Variants in EPB41L3 observed in about 807,000 individuals in gnomAD.
EPB41L3 encodes the protein band 4.1-like protein 3.
In EPB41L3, 57 loss-of-function variants were observed where a neutral mutation model predicts 127.1. The ratio of observed to expected loss-of-function variants is 0.45; its 90% CI spans 0.36 to 0.56. The LOEUF (loss-of-function observed/expected upper bound fraction) is 0.56, where lower values mean the gene tolerates loss of function less well. Among genes scored for constraint, EPB41L3 ranks in the 20% least tolerant of loss-of-function variants. EPB41L3 has a pLI of 0.00. For missense variants in EPB41L3, 1,273 were observed against 1,372.2 expected, an observed-to-expected ratio of 0.93 and a Z score of 1.14; for synonymous variants, 572 against 549.5, an observed-to-expected ratio of 1.04 and a Z score of -0.57.
At chr18:5,433,381 C>T in intron 8 of EPB41L3, 88 bp downstream of exon 8, 3 of 901,128 alleles carry the variant, frequency 3.3e-6, no homozygotes, top group Non-Finnish European at 5.2e-6. Context: ...TTTACATTAA[C>T]TGAAGTAAAA....
chr18:5,523,569 C>T (rs1165443014), intron 1 of EPB41L3, among the ~76,000 whole-genome samples: 1 of 152,112 alleles, frequency 6.6e-6, no homozygotes, highest in African/African-American at 2.4e-5. Flanking sequence ...GAAACCAAAG[C>T]GGGCGGATCA....
chr18:5,543,279 C>G lies in EPB41L3; in HGVS notation c.-12+634G>C, dbSNP rs137969349. On this transcript the variant is annotated intron_variant, in intron 1 of 22. Coordinates refer to ENST00000341928, the MANE Select transcript of EPB41L3 (RefSeq NM_012307.5). The surrounding 1 kb of genome is among the most constrained non-coding windows in gnomAD (Gnocchi z 5.2). ...AAGTTATATAAAAGCGGCCGGCCCC[C>G]CTGCCCAGCGGGGATGCTTTGTGCG... is the stretch of plus-strand genomic sequence containing the variant. 3 of 150,712 alleles carry G rather than the reference C, an allele frequency of 2.0e-5. No homozygotes were observed. The highest frequency in any genetic ancestry group is 3.0e-5 in the Non-Finnish European group (2 of 67,564). 9.3% of individuals were successfully genotyped at this position (150,712 alleles called of 1,614,324 possible).
chr18:5,498,608 A>AAAAAG lies in EPB41L3; in HGVS notation c.-11-9415_-11-9414insCTTTT, dbSNP rs1448249391. On this transcript the variant is annotated intron_variant, in intron 1 of 22. Coordinates refer to ENST00000341928, the MANE Select transcript of EPB41L3 (RefSeq NM_012307.5). ...AGACTCCATCTCAAAAAAAAAAAAA[A>AAAAAG]AAAGAAAATGGACTTCAGAACTGAT... Among the ~76,000 whole-genome samples the AAAAAG allele has an allele frequency of 1.6e-4, 23 of 144,694 alleles. 3 individuals carry two copies. The highest frequency in any genetic ancestry group is 2.9e-4 in the Admixed American group (4 of 14,018). 94.9% of individuals were successfully genotyped at this position (144,694 alleles called of 152,430 possible). A position where few individuals can be genotyped will look rare whatever the true frequency, so the allele number is the denominator to read the frequency against.
At chr18:5,458,836 G>T (rs2083503108) in intron 3 of EPB41L3, among the ~76,000 whole-genome samples, 1 of 152,070 alleles carries the variant, frequency 6.6e-6, no homozygotes, top group South Asian at 2.1e-4. Context: ...TTTGCTTTGA[G>T]GTTATCTTGA....
At position 5,529,928 on chromosome 18, in the gene EPB41L3, A is replaced by G. The variant is rs200967025; in HGVS notation, c.-12+13985T>C. On this transcript the variant is annotated intron_variant, in intron 1 of 22. Transcript: ENST00000341928. ...CACCAACCCCACCATCAACTCATAT[A>G]TGTGTGTGTGTGTGTGTGTGTGTGT... 2.9e-3 allele frequency among the ~76,000 whole-genome samples: 423 copies of G among 146,878 alleles called. 1 individual carries two copies. The highest frequency in any genetic ancestry group is 0.014 in the Middle Eastern group (4 of 286).
At chr18:5,609,656 G>A (rs192517564) in intron 3 of EPB41L3, among the ~76,000 whole-genome samples, 180 of 152,158 alleles carry the variant, frequency 1.2e-3, no homozygotes, top group Admixed American at 3.4e-3. Flanking sequence ...CATCAACAAC[G>A]TACAATTTCC....
intron 1 of EPB41L3, among the ~76,000 whole-genome samples, chr18:5,627,210 T>C (rs2094931902): frequency 6.6e-6 from 1 of 152,140 alleles, no homozygotes. Flanking sequence ...CTTTCTCATG[T>C]ATCTACACAA....
chr18:5,562,176 G>C (rs747478832), intron 3 of EPB41L3, among the ~76,000 whole-genome samples: 12 of 152,162 alleles, frequency 7.9e-5, no homozygotes, highest in Non-Finnish European at 1.8e-4. Context: ...TGGTTTCATA[G>C]TTTTGGCCAT....
At position 5,395,582 on chromosome 18, in the gene EPB41L3, C is replaced by T. The variant is rs1016287264; in HGVS notation, c.3072+27G>A. The T allele has an allele frequency of 1.9e-6, 3 of 1,602,362 alleles. No individual in the cohort carries two copies. In the African/African-American group the frequency reaches 4.0e-5, roughly 21 times the overall value. On this transcript the variant is annotated intron_variant, in intron 20 of 22. Transcript: ENST00000341928. Reference sequence around the variant, plus strand: ...TTCCTCCAGCTCGCTCTCAAGGAATCCTCTTCTCGGTTCTCACTCCACTTA... The same window carrying T: ...TTCCTCCAGCTCGCTCTCAAGGAATTCTCTTCTCGGTTCTCACTCCACTTA...
rs375660316 is a variant in EPB41L3, at chr18:5,394,844, G to A, written c.3154-51C>T. The A allele has an allele frequency of 5.2e-6, 8 of 1,550,372 alleles. No individual in the cohort carries two copies. In the African/African-American group the frequency reaches 9.5e-5, roughly 18 times the overall value. Reference sequence around the variant, plus strand: ...CAGAAACAAAAAGGAGGTGGAACATGCATGATCAGTGGTGAGGTGGAGACT... The same window carrying A: ...CAGAAACAAAAAGGAGGTGGAACATACATGATCAGTGGTGAGGTGGAGACT... On this transcript the variant is annotated intron_variant, in intron 21 of 22. Transcript: ENST00000341928.
intron 16 of EPB41L3, chr18:5,400,744 A>C: frequency 1.8e-6 from 1 of 559,994 alleles, no homozygotes; most frequent in South Asian, 2.0e-5. Context: ...ATACAGAGAA[A>C]AATCAGCTTG....
At chr18:5,545,763 G>A (rs2093868144), upstream of EPB41L3, among the ~76,000 whole-genome samples, 1 of 152,170 alleles carries the variant, frequency 6.6e-6, no homozygotes, top group Admixed American at 6.5e-5. Flanking sequence ...AGATAAAGGT[G>A]ACAGTTCCAA....
Position 5,489,116 on chromosome 18 carries a change from G to T in EPB41L3, c.68C>A (p.Ala23Glu). Residue 23 changes from alanine (A) to glutamate (E), a missense_variant, in exon 2 of 23, where the codon GCG (alanine) becomes GAG (glutamate). Coordinates refer to ENST00000341928, the MANE Select transcript of EPB41L3 (RefSeq NM_012307.5). Reference protein sequence around the residue: ...PDQEAEPQEAAGAQGRAGAPV... With the variant: ...PDQEAEPQEAEGAQGRAGAPV... The stretch of plus-strand genomic sequence containing the variant: ...CGCCCCCGCGCGCCCCTGCGCCCCC[G>T]CCGCCTCCTGGGGCTCGGCCTCCTG... 1 of 1,594,180 alleles carries T rather than the reference G, an allele frequency of 6.3e-7. No individual in the cohort carries two copies.
intron 3 of EPB41L3, among the ~76,000 whole-genome samples, chr18:5,598,432 T>C (rs2094557690): frequency 6.6e-6 from 1 of 152,212 alleles, no homozygotes; most frequent in Non-Finnish European, 1.5e-5. Context: ...CATTCGTTTA[T>C]GTTAACATGT....
chr18:5,408,500 C>T (rs2075792198), intron 14 of EPB41L3, among the ~76,000 whole-genome samples: 1 of 151,782 alleles, frequency 6.6e-6, no homozygotes, highest in African/African-American at 2.4e-5. Flanking sequence ...GTCTTGAACT[C>T]CTGACCTCAA....
intron 3 of EPB41L3, among the ~76,000 whole-genome samples, chr18:5,460,249 G>C (rs1213531348): frequency 1.3e-5 from 2 of 152,168 alleles, no homozygotes; most frequent in African/African-American, 4.8e-5. Flanking sequence ...CTACACATGA[G>C]TGGCCTCTCA....
At chr18:5,539,398 C>G (rs1361674955) in intron 1 of EPB41L3, among the ~76,000 whole-genome samples, 1 of 152,268 alleles carries the variant, frequency 6.6e-6, no homozygotes, top group East Asian at 1.9e-4. Flanking sequence ...TAGAAGCTTA[C>G]AATTCCAAAG....
In EPB41L3 at chr18:5,445,945, G is replaced by GA. The variant is rs570786416; in HGVS notation, c.382-702dup. ...AAACCATCCTCCACCCCAGTCCATA[G>GA]AAAAAAAATGGTCTTCCATGAAACT... On this transcript the variant is annotated intron_variant, in intron 3 of 22. Coordinates refer to ENST00000341928, the MANE Select transcript of EPB41L3 (RefSeq NM_012307.5). Among the ~76,000 whole-genome samples the GA allele has an allele frequency of 5.1e-3, 781 of 151,888 alleles. 6 individuals carry two copies. Among genetic ancestry groups the GA allele is most frequent in the African/African-American group, 0.017 (717 of 41,450 alleles).
chr18:5,560,606 G>A (rs1391051066), intron 3 of EPB41L3, among the ~76,000 whole-genome samples: 1 of 152,184 alleles, frequency 6.6e-6, no homozygotes, highest in Non-Finnish European at 1.5e-5. Flanking sequence ...ACCGCAGGAT[G>A]CCTGCTGCAC....
Sources: gnomAD v4.1 joint callset for allele counts (sites outside exome capture counted in the v4.1 genomes callset) on GRCh38, gnomAD v4.1.1 for gene constraint, Gnocchi (gnomAD v3.1) non-coding constraint, MANE v1.5 for transcripts, NCBI Gene and HGNC (gene_info 2026-07-23, HGNC 2026-07-21) for gene names.